Variants in CDC42BPB observed in about 807,000 individuals in gnomAD.
CDC42BPB encodes CDC42 binding protein kinase beta.
In CDC42BPB, 37 loss-of-function variants were observed where a neutral mutation model predicts 214.9. The ratio of observed to expected loss-of-function variants is 0.17; its 90% CI spans 0.13 to 0.23. The LOEUF is 0.23. Among genes scored for constraint, CDC42BPB ranks in the 10% least tolerant of loss-of-function variants. The pLI, the probability that CDC42BPB is intolerant of heterozygous loss-of-function variation, is 1.00. For missense variants in CDC42BPB, 1,694 were observed against 2,227.0 expected (o/e 0.76, Z 4.82); for synonymous variants, 931 against 884.0 (o/e 1.05, Z -0.94).
chr14:103,047,068 G>A (rs954598906), intron 1 of CDC42BPB, among the ~76,000 whole-genome samples: 3 of 151,710 alleles, frequency 2.0e-5, no homozygotes, highest in African/African-American at 7.2e-5. Context: ...GGTGGATCAC[G>A]AGGTAAGGAG....
At chr14:103,018,515 G>A (rs112836155) in intron 1 of CDC42BPB, among the ~76,000 whole-genome samples, 61 of 152,306 alleles carry the variant, frequency 4.0e-4, no homozygotes, top group African/African-American at 1.3e-3. Context: ...CTGGAACAGA[G>A]GAGGAAGTCG....
intron 1 of CDC42BPB, among the ~76,000 whole-genome samples, chr14:103,042,390 AG>A (rs1888051697): frequency 6.6e-6 from 1 of 152,108 alleles, no homozygotes; most frequent in East Asian, 1.9e-4. Flanking sequence ...GCTCACTGCA[AG>A]GCTCCGCCTC....
At chr14:103,047,903 C>A (rs866992644) in intron 1 of CDC42BPB, among the ~76,000 whole-genome samples, 342 of 127,498 alleles carry the variant, frequency 2.7e-3, no homozygotes, top group African/African-American at 3.8e-3. Context: ...ACTCTGTGTC[C>A]AAAAAAAAAA....
chr14:103,044,008 C>T (rs1888153609), intron 1 of CDC42BPB, among the ~76,000 whole-genome samples: 1 of 152,102 alleles, frequency 6.6e-6, no homozygotes, highest in Admixed American at 6.5e-5. Context: ...CAATGCCATC[C>T]CTGACACCTT....
In CDC42BPB at chr14:102,999,537, T is replaced by A. The variant is rs757036609; in HGVS notation, c.596+28A>T. The A allele has an allele frequency of 4.4e-6, 7 of 1,608,556 alleles. No homozygotes were observed. The Admixed American group carries it at 1.0e-4, about 23-fold the overall frequency. ...AGTCTTTTAACAATTAAACGTGGTT[T>A]CCATAAAATATATCAGAAGCCGGTT... On this transcript the variant is annotated intron_variant, in intron 5 of 36. Transcript: ENST00000361246.
At chr14:102,998,424 G>A (rs1266579419) in intron 5 of CDC42BPB, among the ~76,000 whole-genome samples, 1 of 152,168 alleles carries the variant, frequency 6.6e-6, no homozygotes, top group Admixed American at 6.5e-5. Context: ...TTGGTTGGAG[G>A]CTCTATAGAA....
At chr14:102,940,379 C>A in intron 30 of CDC42BPB, 55 bp from the exon 31 acceptor site, 1 of 1,548,122 alleles carries the variant, frequency 6.5e-7, no homozygotes, top group Non-Finnish European at 8.7e-7. Context: ...AACTCACCTG[C>A]CCTCGGGCCG....
chr14:102,974,119 T>C lies in CDC42BPB; in HGVS notation c.1538A>G (p.Asp513Gly). 1 of 1,613,940 alleles carries C rather than the reference T, an allele frequency of 6.2e-7. No individual in the cohort carries two copies. Among genetic ancestry groups the C allele is most frequent in the East Asian group, 2.2e-5 (1 of 44,876 alleles). ...ACGCTCTTGGCGAAGCGCCACTGTG[T>C]CCTCAAGCTGTCGCTCGAGCCTGTT... ...DSNRLERQLE[D>G]TVALRQERED... The change falls in exon 12 of 37, where the codon GAC becomes GGC. Residue 513 changes from aspartate to glycine, a missense_variant. Physicochemically the swap from Asp to Gly is moderately conservative, Grantham distance 94. This residue lies in a region of CDC42BPB where 462 missense variants were observed against 513.5 expected (regional missense o/e 0.90). Coordinates refer to ENST00000361246, the MANE Select transcript of CDC42BPB (RefSeq NM_006035.4).
At chr14:103,042,892 C>G (rs975067592) in intron 1 of CDC42BPB, among the ~76,000 whole-genome samples, 11 of 152,124 alleles carry the variant, frequency 7.2e-5, no homozygotes, top group Non-Finnish European at 1.3e-4. Context: ...CAACACAGAG[C>G]CTTCACACGA....
intron 1 of CDC42BPB, among the ~76,000 whole-genome samples, chr14:103,049,683 T>A (rs1888500136): frequency 6.6e-6 from 1 of 152,210 alleles, no homozygotes; most frequent in African/African-American, 2.4e-5. Flanking sequence ...AATCACCCCA[T>A]GGGGCATGGT....
intron 26 of CDC42BPB, among the ~76,000 whole-genome samples, chr14:102,949,228 G>A (rs1443613563): frequency 1.3e-5 from 2 of 152,216 alleles, no homozygotes; most frequent in Admixed American, 1.3e-4. Flanking sequence ...ACTAACAGAT[G>A]AGCCACAGAT....
chr14:102,936,783 CAGCT>C (rs1298305934), intron 36 of CDC42BPB, among the ~76,000 whole-genome samples: 10 of 152,202 alleles, frequency 6.6e-5, no homozygotes, highest in Non-Finnish European at 1.5e-4. Context: ...CCGTGGTGCC[CAGCT>C]AGAGTGGAAA....
chr14:103,019,161 T>C (rs1236426667), intron 1 of CDC42BPB, among the ~76,000 whole-genome samples: 4 of 152,106 alleles, frequency 2.6e-5, no homozygotes, highest in African/African-American at 9.7e-5. Context: ...CTAGAACTCC[T>C]GGGCTCAAGT....
At chr14:102,935,183 G>T (rs187318019) in intron 36 of CDC42BPB, among the ~76,000 whole-genome samples, 15 of 152,218 alleles carry the variant, frequency 9.9e-5, no homozygotes, top group African/African-American at 3.6e-4. Flanking sequence ...ATCTCTCTTT[G>T]CAGATGACAT....
chr14:103,049,943 C>T (rs1193217370), intron 1 of CDC42BPB, among the ~76,000 whole-genome samples: 2 of 152,152 alleles, frequency 1.3e-5, no homozygotes, highest in African/African-American at 4.8e-5. Flanking sequence ...GAACTACTGA[C>T]CTTGTGATCC....
chr14:102,938,065 T>G, intron 36 of CDC42BPB, 39 bp downstream of exon 36: 3 of 1,604,460 alleles, frequency 1.9e-6, no homozygotes, highest in Non-Finnish European at 2.6e-6. Context: ...CCTGCAGTGG[T>G]GGCTCATAGC....
At chr14:102,994,923 C>T (rs1001984807) in intron 5 of CDC42BPB, among the ~76,000 whole-genome samples, 1 of 152,226 alleles carries the variant, frequency 6.6e-6, no homozygotes, top group African/African-American at 2.4e-5. Context: ...CAGTCCACCA[C>T]CTGGGGTGTG....
At chr14:103,053,346 C>CAA (rs953498094) in intron 1 of CDC42BPB, among the ~76,000 whole-genome samples, 6 of 135,560 alleles carry the variant, frequency 4.4e-5, no homozygotes, top group Non-Finnish European at 9.5e-5. Context: ...GACTCCGTCT[C>CAA]AAAAAAAAAA....
At chr14:102,952,761 CA>C in intron 23 of CDC42BPB, 158 bp from the exon 24 acceptor site, 1 of 984,984 alleles carries the variant, frequency 1.0e-6, no homozygotes, top group Non-Finnish European at 1.2e-6. Context: ...TAACAGGGCT[CA>C]TCAAATAGTG....
Sources: gnomAD v4.1 joint callset for allele counts (sites outside exome capture counted in the v4.1 genomes callset) on GRCh38, gnomAD v4.1.1 for gene constraint, gnomAD v4.1.1 regional missense constraint, MANE v1.5 for transcripts, NCBI Gene and HGNC (gene_info 2026-07-23, HGNC 2026-07-21) for gene names.